KIF13A: variants seen among roughly 807,000 people sequenced by gnomAD.
KIF13A encodes kinesin-like protein KIF13A.
Under a neutral mutation model 212.2 loss-of-function variants are expected in KIF13A, and 79 were observed. The ratio of observed to expected loss-of-function variants is 0.37; its 90% CI spans 0.31 to 0.45. The LOEUF (loss-of-function observed/expected upper bound fraction) is 0.45, where lower values mean the gene tolerates loss of function less well. KIF13A is among the 20% of genes least tolerant of loss of function. The pLI, the probability that KIF13A is intolerant of heterozygous loss-of-function variation, is 1.00. For synonymous variants in KIF13A, 789 were observed against 808.6 expected (o/e 0.98, Z 0.41); for missense variants, 1,901 against 2,209.0 (o/e 0.86, Z 2.79).
At chr6:17,767,423 T>A (rs935194992) in intron 38 of KIF13A, among the ~76,000 whole-genome samples, 1 of 151,250 alleles carries the variant, frequency 6.6e-6, no homozygotes, top group Non-Finnish European at 1.5e-5. Flanking sequence ...CCCGGCTAAT[T>A]TTTGTATTTT....
In KIF13A at chr6:17,778,927, C is replaced by T. The variant is rs754057418; in HGVS notation, c.4092+20G>A. 57 of 1,560,420 alleles carry T rather than the reference C, an allele frequency of 3.7e-5. No homozygotes were observed. In the East Asian group the frequency reaches 1.3e-3, roughly 37 times the overall value. On this transcript the variant is annotated intron_variant, in intron 33 of 38. Transcript: ENST00000259711. ...GAAGGCTGGTGCTTTCATCCTCGGT[C>T]CAGATATTCAGTTACTTGCCTGCCG...
chr6:17,833,947 A>C lies in KIF13A; in HGVS notation c.1266+14T>G. ...AAAGAATCCCAATATTTTAGGGCTA[A>C]ATTATCAAGCTACCTGTGCTATCTC... On this transcript the variant is annotated intron_variant, in intron 12 of 38. Transcript: ENST00000259711. The C allele has an allele frequency of 7.0e-7, 1 of 1,419,772 alleles. No homozygotes were observed. The highest frequency in any genetic ancestry group is 9.6e-7 in the Non-Finnish European group (1 of 1,039,778). The allele number at this position is 1,419,772 out of a possible 1,614,324, so 87.9% of individuals were successfully genotyped here. A position where few individuals can be genotyped will look rare whatever the true frequency, so the allele number is the denominator to read the frequency against.
At chr6:17,802,002 T>C (rs1328198589) in intron 20 of KIF13A, among the ~76,000 whole-genome samples, 1 of 152,138 alleles carries the variant, frequency 6.6e-6, no homozygotes, top group Non-Finnish European at 1.5e-5. Context: ...ATTCTTGGAG[T>C]GCTTTGTCTT....
At chr6:17,974,949 A>C (rs1345248531) in intron 2 of KIF13A, among the ~76,000 whole-genome samples, 1 of 152,220 alleles carries the variant, frequency 6.6e-6, no homozygotes, top group African/African-American at 2.4e-5. Context: ...GCATATTTCC[A>C]TCATCTCAGG....
chr6:17,789,799 C>T lies in KIF13A; in HGVS notation c.3261+73G>A. The T allele has an allele frequency of 7.6e-7, 1 of 1,307,692 alleles. No homozygotes were observed. Among genetic ancestry groups the T allele is most frequent in the Non-Finnish European group, 1.1e-6 (1 of 909,940 alleles). 81.0% of individuals were successfully genotyped at this position (1,307,692 alleles called of 1,614,324 possible). On this transcript the variant is annotated intron_variant, in intron 26 of 38. Coordinates refer to ENST00000259711, the MANE Select transcript of KIF13A (RefSeq NM_022113.6). The surrounding 1 kb of genome is among the most constrained non-coding windows in gnomAD (Gnocchi z 4.8). Reference sequence around the variant, plus strand: ...TAGGGCCCTCCTTCCTCCTCCCTGGCCTCTGCTTTGCGAATGCTGGCAATT... The same window carrying T: ...TAGGGCCCTCCTTCCTCCTCCCTGGTCTCTGCTTTGCGAATGCTGGCAATT...
chr6:17,922,155 C>T (rs567815883), intron 2 of KIF13A, among the ~76,000 whole-genome samples: 141 of 152,172 alleles, frequency 9.3e-4, no homozygotes, highest in Non-Finnish European at 1.2e-3. Context: ...GGCTTTAACT[C>T]CAGACCCAGG....
chr6:17,824,151 G>C (rs1764727739), intron 16 of KIF13A, among the ~76,000 whole-genome samples: 1 of 150,518 alleles, frequency 6.6e-6, no homozygotes, highest in Non-Finnish European at 1.5e-5. Flanking sequence ...CAGGTGATCT[G>C]CCCACCTGGG....
intron 2 of KIF13A, among the ~76,000 whole-genome samples, chr6:17,946,902 T>C (rs776198368): frequency 1.3e-5 from 2 of 152,184 alleles, no homozygotes; most frequent in Non-Finnish European, 2.9e-5. Flanking sequence ...GACAAATGAA[T>C]CTCAAGAACA....
At chr6:17,956,722 T>A (rs567513133) in intron 2 of KIF13A, among the ~76,000 whole-genome samples, 9 of 152,020 alleles carry the variant, frequency 5.9e-5, no homozygotes, top group Non-Finnish European at 1.2e-4. Context: ...TCCTCTAATC[T>A]GGCTGTGGGT....
intron 4 of KIF13A, among the ~76,000 whole-genome samples, chr6:17,860,865 T>C (rs1235956703): frequency 2.0e-5 from 3 of 152,156 alleles, no homozygotes; most frequent in Non-Finnish European, 4.4e-5. Flanking sequence ...AATAAGCCAA[T>C]GGGGTATGAA....
rs774810280 is a variant in KIF13A, at chr6:17,794,316, A to T, written c.3155T>A (p.Leu1052Gln). Residue 1052 changes from leucine to glutamine, a missense_variant, in exon 25 of 39, where the codon CTG becomes CAG. By Grantham distance (113) the Leu-to-Gln change is moderately radical. Transcript: ENST00000259711. The surrounding 1 kb of genome is among the most constrained non-coding windows in gnomAD (Gnocchi z 4.1). ...GTLPLMVEAI[L>Q]SVSIGCVTAR... ...AGTTACACAGCCGATGGATACTGACAGGATGGCTTCAACCATAAGTGGCAG... is the reference window on the plus strand; with the variant it reads ...AGTTACACAGCCGATGGATACTGACTGGATGGCTTCAACCATAAGTGGCAG... 1 of 1,613,594 alleles carries T rather than the reference A, an allele frequency of 6.2e-7. No homozygotes were observed. The highest frequency in any genetic ancestry group is 8.5e-7 in the Non-Finnish European group (1 of 1,179,544).
chr6:17,937,300 T>C (rs905900303), intron 2 of KIF13A, among the ~76,000 whole-genome samples: 1 of 152,214 alleles, frequency 6.6e-6, no homozygotes, highest in Admixed American at 6.5e-5. Flanking sequence ...ACTCCAATAT[T>C]TGTTATTGCT....
At position 17,856,450 on chromosome 6, in the gene KIF13A, A is replaced by G. The variant is rs1020070762; in HGVS notation, c.221-328T>C. The stretch of plus-strand genomic sequence containing the variant: ...ACTAATATCTACAATGTCATTAAAC[A>G]TGAATTGCCTTATCTCCCCAGCTAG... On this transcript the variant is annotated intron_variant, in intron 4 of 38. Coordinates refer to ENST00000259711, the MANE Select transcript of KIF13A (RefSeq NM_022113.6). The surrounding 1 kb of genome is among the most constrained non-coding windows in gnomAD (Gnocchi z 4.5). 6.6e-6 allele frequency among the ~76,000 whole-genome samples: 1 copy of G among 152,224 alleles called. No individual in the cohort carries two copies. The highest frequency in any genetic ancestry group is 1.9e-4 in the East Asian group (1 of 5,196).
At position 17,826,233 on chromosome 6, in the gene KIF13A, A is replaced by C; in HGVS notation, c.1533-109T>G. 5 of 750,500 alleles carry C rather than the reference A, an allele frequency of 6.7e-6. No individual in the cohort carries two copies. The highest frequency in any genetic ancestry group is 1.1e-5 in the Non-Finnish European group (5 of 440,356). The allele number at this position is 750,500 out of a possible 1,614,324, so 46.5% of individuals were successfully genotyped here. On this transcript the variant is annotated intron_variant, in intron 14 of 38. Transcript: ENST00000259711. The surrounding 1 kb of genome is among the most constrained non-coding windows in gnomAD (Gnocchi z 4.7). ...GCTTTCTCTTAATAAATGCATTCCAACTAACGCTTAAAGAAGGAAGAGCAG... is the reference window on the plus strand; with the variant it reads ...GCTTTCTCTTAATAAATGCATTCCACCTAACGCTTAAAGAAGGAAGAGCAG...
Position 17,816,723 on chromosome 6 carries a change from A to T in KIF13A, c.2000+297T>A, listed in dbSNP as rs1763984486. On this transcript the variant is annotated intron_variant, in intron 17 of 38. Transcript: ENST00000259711. The surrounding 1 kb of genome is among the most constrained non-coding windows in gnomAD (Gnocchi z 4.3). ...GAAAAAAATGCTTTTGTGTTAAAGA[A>T]ATTATTCAAACTTTCTAAATTTCAA... Among the ~76,000 whole-genome samples, 1 of 152,222 alleles carries T rather than the reference A, an allele frequency of 6.6e-6. No individual in the cohort carries two copies. The highest frequency in any genetic ancestry group is 2.4e-5 in the African/African-American group (1 of 41,454).
intron 26 of KIF13A, among the ~76,000 whole-genome samples, chr6:17,788,780 A>C (rs1761275943): frequency 6.6e-6 from 1 of 152,116 alleles, no homozygotes; most frequent in South Asian, 2.1e-4. Context: ...GCTGGAGTGC[A>C]GTGGCACAAT....
chr6:17,916,348 T>C (rs906384613), intron 2 of KIF13A, among the ~76,000 whole-genome samples: 4 of 152,226 alleles, frequency 2.6e-5, no homozygotes, highest in African/African-American at 9.6e-5. Context: ...CTTGCCCTCA[T>C]GTGAAACCTC....
intron 9 of KIF13A, among the ~76,000 whole-genome samples, chr6:17,848,836 T>C (rs1323661052): frequency 6.6e-6 from 1 of 152,084 alleles, no homozygotes; most frequent in Admixed American, 6.6e-5. Context: ...TTGAACTCCT[T>C]GCCTCAAGTG....
At chr6:17,893,585 G>C (rs987745345) in intron 3 of KIF13A, among the ~76,000 whole-genome samples, 2 of 151,614 alleles carry the variant, frequency 1.3e-5, no homozygotes, top group Non-Finnish European at 2.9e-5. Context: ...TTCTTTTCTT[G>C]CTTAACTGCA....
Sources: allele counts gnomAD v4.1 joint callset (sites outside exome capture counted in the v4.1 genomes callset), GRCh38; gene constraint gnomAD v4.1.1; non-coding constraint Gnocchi (gnomAD v3.1); transcripts MANE v1.5; gene names NCBI Gene and HGNC (gene_info 2026-07-23, HGNC 2026-07-21).